ARL15: variants seen among roughly 807,000 people sequenced by gnomAD.
ARL15 encodes the protein ARF like GTPase 15, also known as ADP-ribosylation factor-like protein 15.
A neutral mutation model predicts 25.2 loss-of-function variants in ARL15; 19 were observed. The ratio of observed to expected loss-of-function variants is 0.75; its 90% CI spans 0.53 to 1.10. The LOEUF (loss-of-function observed/expected upper bound fraction) is 1.10. Among genes scored for constraint, ARL15 ranks in the 50% least tolerant of loss-of-function variants. The probability of loss-of-function intolerance (pLI) is 0.00; values close to 1 mark genes in which losing one functional copy is unlikely to be tolerated. For synonymous variants in ARL15, 94 were observed against 86.8 expected (o/e 1.08, Z -0.46); for missense variants, 220 against 246.0 (o/e 0.89, Z 0.71).
intron 4 of ARL15, among the ~76,000 whole-genome samples, chr5:53,975,881 G>T (rs538251044): frequency 9.2e-5 from 14 of 152,214 alleles, no homozygotes; most frequent in African/African-American, 3.1e-4. Context: ...TCATCTGGGT[G>T]TGTAGCTATA....
chr5:54,010,816 G>A (rs941800911), intron 4 of ARL15, among the ~76,000 whole-genome samples: 3 of 151,946 alleles, frequency 2.0e-5, no homozygotes, highest in African/African-American at 7.3e-5. Flanking sequence ...TGGAGAACAC[G>A]GTGAAACCCC....
chr5:54,254,799 AC>A (rs758781523), intron 1 of ARL15, among the ~76,000 whole-genome samples: 7 of 152,266 alleles, frequency 4.6e-5, no homozygotes, highest in Non-Finnish European at 8.8e-5. Flanking sequence ...AAATGTTATC[AC>A]AAAATTGTTT....
At chr5:54,050,656 G>A (rs1183311632) in intron 4 of ARL15, among the ~76,000 whole-genome samples, 2 of 152,040 alleles carry the variant, frequency 1.3e-5, no homozygotes, top group Non-Finnish European at 2.9e-5. Context: ...TGAATATGAG[G>A]CTTTATAAAC....
chr5:54,170,418 T>C (rs979048018), intron 2 of ARL15, among the ~76,000 whole-genome samples: 5 of 152,106 alleles, frequency 3.3e-5, no homozygotes, highest in African/African-American at 1.2e-4. Flanking sequence ...TAAAATACTC[T>C]GATGTCTCTG....
At chr5:53,904,139 G>T (rs1025179945) in intron 4 of ARL15, among the ~76,000 whole-genome samples, 1 of 152,144 alleles carries the variant, frequency 6.6e-6, no homozygotes, top group Non-Finnish European at 1.5e-5. Flanking sequence ...TATGATAAAA[G>T]CTCTACTGAT....
chr5:54,087,882 G>A (rs1752022236), intron 4 of ARL15, among the ~76,000 whole-genome samples: 1 of 152,132 alleles, frequency 6.6e-6, no homozygotes, highest in Non-Finnish European at 1.5e-5. Context: ...CACCATGTTG[G>A]CCAGACTGGT....
intron 4 of ARL15, among the ~76,000 whole-genome samples, chr5:54,055,955 C>G (rs10052688): frequency 6.6e-6 from 1 of 152,084 alleles, no homozygotes; most frequent in Non-Finnish European, 1.5e-5. Context: ...ATGGCAGTTA[C>G]CAGAATTTGA....
intron 2 of ARL15, among the ~76,000 whole-genome samples, chr5:54,157,817 C>T (rs1412540135): frequency 6.6e-6 from 1 of 152,194 alleles, no homozygotes; most frequent in Non-Finnish European, 1.5e-5. Context: ...AAGGTATACA[C>T]AGTCATCCAT....
chr5:54,011,456 T>G (rs1749241417), intron 4 of ARL15, among the ~76,000 whole-genome samples: 1 of 152,180 alleles, frequency 6.6e-6, no homozygotes, highest in Non-Finnish European at 1.5e-5. Context: ...TGTTTGTTTT[T>G]AAATAAATAA....
chr5:54,252,277 T>C (rs993732906), intron 1 of ARL15, among the ~76,000 whole-genome samples: 2 of 152,238 alleles, frequency 1.3e-5, no homozygotes, highest in Non-Finnish European at 2.9e-5. Context: ...AGGTAAATTT[T>C]CTTTATGGAA....
chr5:54,286,314 T>C (rs967388129), intron 1 of ARL15: 1 of 152,174 alleles, frequency 6.6e-6, no homozygotes, highest in Admixed American at 6.5e-5. Context: ...ATGTTTTCAG[T>C]GGTAACAGTG....
At chr5:54,079,487 C>T (rs191216966) in intron 4 of ARL15, among the ~76,000 whole-genome samples, 2 of 152,094 alleles carry the variant, frequency 1.3e-5, no homozygotes, top group Non-Finnish European at 2.9e-5. Context: ...TTGAATAATC[C>T]CTCTTATTTT....
chr5:54,164,315 T>C (rs751798699), intron 2 of ARL15, among the ~76,000 whole-genome samples: 39 of 152,092 alleles, frequency 2.6e-4, no homozygotes, highest in Non-Finnish European at 4.1e-4. Context: ...AAATATTCTA[T>C]GTGTACTTGA....
At chr5:54,296,229 G>C (rs1001424042) in intron 1 of ARL15, among the ~76,000 whole-genome samples, 1 of 152,166 alleles carries the variant, frequency 6.6e-6, no homozygotes, top group Admixed American at 6.5e-5. Context: ...AAAATGAATC[G>C]AAATGGAGCA....
intron 3 of ARL15, among the ~76,000 whole-genome samples, chr5:54,117,370 TACACAC>T (rs71600803): frequency 8.5e-4 from 122 of 143,758 alleles, no homozygotes; most frequent in African/African-American, 1.3e-3. Context: ...GTGAGACACA[TACACAC>T]ACACACACAC....
At chr5:53,890,771 A>G (rs541075755) in intron 4 of ARL15, among the ~76,000 whole-genome samples, 64 of 152,296 alleles carry the variant, frequency 4.2e-4, no homozygotes, top group African/African-American at 1.3e-3. Context: ...TTATTCACAC[A>G]TCGCGTTTAC....
chr5:54,252,875 A>G (rs1276803233), intron 1 of ARL15, among the ~76,000 whole-genome samples: 1 of 151,972 alleles, frequency 6.6e-6, no homozygotes, highest in East Asian at 1.9e-4. Context: ...AGAGGCGCGC[A>G]CCACCATGCC....
chr5:54,267,455 C>T (rs999499651), intron 1 of ARL15, among the ~76,000 whole-genome samples: 14 of 152,250 alleles, frequency 9.2e-5, no homozygotes, highest in Admixed American at 4.6e-4. Flanking sequence ...CATTAATATT[C>T]TGAAGCTATA....
chr5:54,009,402 G>T (rs1749159808), intron 4 of ARL15, among the ~76,000 whole-genome samples: 1 of 151,970 alleles, frequency 6.6e-6, no homozygotes, highest in African/African-American at 2.4e-5. Context: ...GATTTGTAAG[G>T]TTTTTTTAAA....
Sources: gnomAD v4.1 joint callset for allele counts (sites outside exome capture counted in the v4.1 genomes callset) on GRCh38, gnomAD v4.1.1 for gene constraint, MANE v1.5 for transcripts, NCBI Gene and HGNC (gene_info 2026-07-23, HGNC 2026-07-21) for gene names.